PATJ: variants seen among roughly 807,000 people sequenced by gnomAD.
PATJ encodes the protein PATJ crumbs cell polarity complex component.
Under a neutral mutation model 224.9 loss-of-function variants are expected in PATJ, and 190 were observed. The ratio of observed to expected loss-of-function variants is 0.84; its 90% CI spans 0.75 to 0.95. PATJ has a LOEUF of 0.95. Ranked by LOEUF, PATJ falls within the 40% of genes least tolerant of loss-of-function variation. The probability of loss-of-function intolerance (pLI) is 0.00; values close to 1 mark genes in which losing one functional copy is unlikely to be tolerated. For missense variants in PATJ, 2,121 were observed against 2,270.3 expected (o/e 0.93, Z 1.34); for synonymous variants, 769 against 820.3 (o/e 0.94, Z 1.07).
chr1:61,781,310 C>G (rs752450533), intron 7 of PATJ, among the ~76,000 whole-genome samples: 37 of 152,192 alleles, frequency 2.4e-4, no homozygotes, highest in South Asian at 2.1e-3. Context: ...TAAGGCCTAG[C>G]CATAGGGGAC....
chr1:61,987,350 T>C (rs1443564123), intron 27 of PATJ, among the ~76,000 whole-genome samples: 2 of 152,182 alleles, frequency 1.3e-5, no homozygotes, highest in Non-Finnish European at 2.9e-5. Context: ...TAGAGTTATC[T>C]TATATCTACT....
chr1:62,044,812 G>A (rs1408812988), intron 30 of PATJ, among the ~76,000 whole-genome samples: 1 of 152,194 alleles, frequency 6.6e-6, no homozygotes, highest in Non-Finnish European at 1.5e-5. Context: ...AAGAAATTCA[G>A]TTTGTCACAT....
intron 33 of PATJ, among the ~76,000 whole-genome samples, chr1:62,103,807 T>A (rs1662535391): frequency 6.6e-6 from 1 of 150,994 alleles, no homozygotes; most frequent in Admixed American, 6.6e-5. Context: ...GTGCTCGCAC[T>A]GTACGTAAAG....
rs563927196 is a variant in PATJ at position 62,015,303 on chromosome 1, C to CA, written c.3868-2542dup. Among the ~76,000 whole-genome samples the CA allele has an allele frequency of 1.5e-3, 205 of 135,396 alleles. 2 individuals carry two copies. The South Asian group carries it at 0.016, about 11-fold the overall frequency. The allele number at this position is 135,396 out of a possible 152,430, so 88.8% of individuals were successfully genotyped here. A position where few individuals can be genotyped will look rare whatever the true frequency, so the allele number is the denominator to read the frequency against. On this transcript the variant is annotated intron_variant, in intron 28 of 43. Coordinates refer to ENST00000642238, the MANE Select transcript of PATJ (RefSeq NM_001350145.3). Reference sequence around the variant, plus strand: ...TGGGCAACAGAGCAAGACTCTGTCTCAAAAAAAAAAAGAAAGAAACGTAAT... The same window carrying CA: ...TGGGCAACAGAGCAAGACTCTGTCTCAAAAAAAAAAAAGAAAGAAACGTAAT...
chr1:61,832,931 CTCT>C (rs1659591065), intron 16 of PATJ, among the ~76,000 whole-genome samples: 1 of 152,130 alleles, frequency 6.6e-6, no homozygotes, highest in African/African-American at 2.4e-5. Context: ...ATAGCAATGA[CTCT>C]TCTTCCTAAA....
chr1:62,128,308 A>G (rs1199951597), intron 40 of PATJ: 1 of 504,252 alleles, frequency 2.0e-6, no homozygotes, highest in Non-Finnish European at 3.4e-6. Context: ...CTTCTCCATA[A>G]AAGAAGAAAT....
intron 41 of PATJ, among the ~76,000 whole-genome samples, 179 bp from the exon 42 acceptor site, chr1:62,148,105 A>C (rs1269813353): frequency 9.1e-6 from 1 of 109,332 alleles, no homozygotes; most frequent in Admixed American, 1.1e-4. Context: ...TGAGCAACAG[A>C]GTGAGACACT....
chr1:61,989,191 G>T (rs1397159585), intron 27 of PATJ, among the ~76,000 whole-genome samples: 2 of 152,182 alleles, frequency 1.3e-5, no homozygotes, highest in Non-Finnish European at 2.9e-5. Context: ...TAACATAGAG[G>T]TAGCAAAGTG....
intron 35 of PATJ, among the ~76,000 whole-genome samples, chr1:62,115,571 T>TAATAGCTTGAAACAAAGCTTGAAAC (rs1664366836): frequency 6.7e-6 from 1 of 150,362 alleles, no homozygotes; most frequent in Non-Finnish European, 1.5e-5. Context: ...GAAAGGTAAG[T>TAATAGCTTGAAACAAAGCTTGAAAC]AATAGCTTGA....
chr1:62,145,506 A>G (rs1356929202), intron 41 of PATJ, among the ~76,000 whole-genome samples: 1 of 152,082 alleles, frequency 6.6e-6, no homozygotes, highest in Non-Finnish European at 1.5e-5. Context: ...TACAAAAAAT[A>G]AAAAGTTAGC....
intron 41 of PATJ, among the ~76,000 whole-genome samples, chr1:62,131,741 T>C (rs1277906492): frequency 1.3e-5 from 2 of 152,120 alleles, no homozygotes; most frequent in African/African-American, 4.8e-5. Flanking sequence ...GAGCTATGAT[T>C]ATAGCACTGC....
intron 17 of PATJ, among the ~76,000 whole-genome samples, chr1:61,839,031 A>G (rs1313133445): frequency 6.6e-6 from 1 of 152,202 alleles, no homozygotes; most frequent in Admixed American, 6.5e-5. Context: ...TGAGGCACAG[A>G]AAACTTAAGT....
rs767910941 is a variant in PATJ, at chr1:61,990,196, G to C, written c.3699G>C (p.Leu1233=). ...AAATCAGACAAAGATATGCAGATCT[G>C]CCTGGAGAACTGCACATTATTGAAC... ...DQKIRQRYAD[L]PGELHIIELE... Residue 1233 remains leucine, a synonymous_variant, in exon 28 of 44, where the codon CTG becomes CTC. Coordinates refer to ENST00000642238, the MANE Select transcript of PATJ (RefSeq NM_001350145.3). The C allele has an allele frequency of 1.9e-6, 3 of 1,609,978 alleles. No individual in the cohort carries two copies. In the African/African-American group the frequency reaches 4.0e-5, roughly 22 times the overall value.
At chr1:61,977,915 T>G (rs1025234251) in intron 27 of PATJ, among the ~76,000 whole-genome samples, 3 of 151,672 alleles carry the variant, frequency 2.0e-5, no homozygotes, top group African/African-American at 7.3e-5. Context: ...AAAAATTTTT[T>G]TAATAAAAAT....
chr1:61,875,159 C>A, intron 20 of PATJ, 84 bp from the exon 21 acceptor site: 1 of 818,202 alleles, frequency 1.2e-6, no homozygotes. Context: ...TTTCCACTAT[C>A]ATTATTACTT....
chr1:62,048,561 A>G (rs1181177351), intron 30 of PATJ, among the ~76,000 whole-genome samples: 5 of 130,932 alleles, frequency 3.8e-5, no homozygotes, highest in East Asian at 3.9e-4. Flanking sequence ...AAAAAAAAAA[A>G]AAAAAAAAAG....
At chr1:62,115,792 C>A (rs1664392135) in intron 35 of PATJ, among the ~76,000 whole-genome samples, 1 of 151,434 alleles carries the variant, frequency 6.6e-6, no homozygotes, top group African/African-American at 2.4e-5. Flanking sequence ...TCCAGCAGGC[C>A]AAGCTGTTAT....
intron 3 of PATJ, 21 bp from the exon 4 acceptor site, chr1:61,766,258 C>G: frequency 8.0e-7 from 1 of 1,252,952 alleles, no homozygotes; most frequent in Non-Finnish European, 1.1e-6. Flanking sequence ...TCTGTTGATT[C>G]TTTTTTTTTC....
chr1:61,875,386 C>A lies in PATJ; in HGVS notation c.2959+20C>A. 6.3e-7 allele frequency: 1 copy of A among 1,582,930 alleles called. No individual in the cohort carries two copies. The highest frequency in any genetic ancestry group is 1.2e-5 in the South Asian group (1 of 86,012). On this transcript the variant is annotated intron_variant, in intron 21 of 43. Coordinates refer to ENST00000642238, the MANE Select transcript of PATJ (RefSeq NM_001350145.3). ...ATTTAGGTTTGTGACTTTTGTTTCT[C>A]ATAAACACAAATTACATTATTTTGC...
Sources: allele counts gnomAD v4.1 joint callset (sites outside exome capture counted in the v4.1 genomes callset), GRCh38; gene constraint gnomAD v4.1.1; transcripts MANE v1.5; gene names NCBI Gene and HGNC (gene_info 2026-07-23, HGNC 2026-07-21).